The following DAB1 variants were observed in gnomAD, a reference collection of about 807,000 sequenced individuals.
DAB1 encodes DAB adaptor protein 1.
DAB1 carries 15 observed loss-of-function variants against 64.6 expected under a neutral mutation model. That is an observed-to-expected ratio of 0.23 (90% CI 0.16 to 0.36). The LOEUF (loss-of-function observed/expected upper bound fraction) is 0.36, where lower values mean the gene tolerates loss of function less well. Ranked by LOEUF, DAB1 falls within the 10% of genes least tolerant of loss-of-function variation. DAB1 has a pLI of 1.00. For missense variants in DAB1, 596 were observed against 706.7 expected (o/e 0.84, Z 1.78); for synonymous variants, 235 against 251.9 (o/e 0.93, Z 0.64).
At chr1:58,116,286 A>G (rs1652330434) in intron 5 of DAB1, among the ~76,000 whole-genome samples, 1 of 152,220 alleles carries the variant, frequency 6.6e-6, no homozygotes, top group Non-Finnish European at 1.5e-5. Context: ...GCATCTTTGA[A>G]CAATTAAACC....
intron 5 of DAB1, among the ~76,000 whole-genome samples, chr1:58,046,393 CT>C (rs1647258061): frequency 1.3e-5 from 2 of 152,282 alleles, no homozygotes; most frequent in South Asian, 4.1e-4. Flanking sequence ...TGGGTGACAT[CT>C]TGTCCCTCCC....
chr1:57,584,461 T>C (rs1645353854), intron 7 of DAB1, among the ~76,000 whole-genome samples: 2 of 152,208 alleles, frequency 1.3e-5, no homozygotes, highest in Non-Finnish European at 2.9e-5. Context: ...CTTGGAATAG[T>C]GTGCTCCTTC....
chr1:58,070,623 G>A (rs1349989154), intron 5 of DAB1, among the ~76,000 whole-genome samples: 1 of 152,208 alleles, frequency 6.6e-6, no homozygotes, highest in Non-Finnish European at 1.5e-5. Context: ...AAAGACTGGA[G>A]GCAAAGGAGG....
intron 3 of DAB1, among the ~76,000 whole-genome samples, chr1:58,356,751 T>C (rs933614395): frequency 1.2e-4 from 19 of 152,116 alleles, no homozygotes; most frequent in African/African-American, 4.3e-4. Flanking sequence ...CTGGGTGCTG[T>C]GGCTCATGTC....
chr1:57,828,187 C>T (rs1317331482), intron 1 of DAB1, among the ~76,000 whole-genome samples: 7 of 152,086 alleles, frequency 4.6e-5, no homozygotes, highest in African/African-American at 9.7e-5. Flanking sequence ...CCTTGTGATC[C>T]GCCCGCCTCC....
In DAB1 at chr1:57,272,728, T is replaced by C. The variant is rs187439207; in HGVS notation, c.67+18236A>G. 3.3e-5 allele frequency among the ~76,000 whole-genome samples: 5 copies of C among 152,264 alleles called. No homozygotes were observed. The East Asian group carries it at 9.7e-4, about 29-fold the overall frequency. On this transcript the variant is annotated intron_variant, in intron 2 of 14. Transcript: ENST00000371236. ...GAAGAATACCTACCTCACTGGTTGT[T>C]GTGTTAAGAGAGTGAGTTTAAATAA...
At chr1:57,087,482 G>T (rs1369575889) in intron 4 of DAB1, among the ~76,000 whole-genome samples, 1 of 152,206 alleles carries the variant, frequency 6.6e-6, no homozygotes, top group East Asian at 1.9e-4. Flanking sequence ...GCAGAAGGAG[G>T]CAGCTCCAGA....
chr1:57,118,503 A>T (rs1656345454), intron 4 of DAB1, among the ~76,000 whole-genome samples: 1 of 152,216 alleles, frequency 6.6e-6, no homozygotes, highest in Non-Finnish European at 1.5e-5. Context: ...ATGTATACGT[A>T]GCTCCTGCCT....
At chr1:57,376,838 A>C (rs1680935727) in intron 1 of DAB1, among the ~76,000 whole-genome samples, 1 of 152,272 alleles carries the variant, frequency 6.6e-6, no homozygotes, top group Admixed American at 6.5e-5. Context: ...GAAAAGATAC[A>C]GCATTATCTT....
chr1:57,506,611 G>T (rs759110423), intron 7 of DAB1, among the ~76,000 whole-genome samples: 3 of 152,182 alleles, frequency 2.0e-5, no homozygotes, highest in Non-Finnish European at 4.4e-5. Flanking sequence ...TGATCACAAG[G>T]GAAGGGAACT....
intron 1 of DAB1, among the ~76,000 whole-genome samples, chr1:57,389,284 A>T (rs17458751): frequency 0.43 from 65,441 of 152,010 alleles, 14,846 homozygotes; most frequent in African/African-American, 0.54. Flanking sequence ...GATCAATTAG[A>T]TTCCCAGCTG....
intron 1 of DAB1, among the ~76,000 whole-genome samples, chr1:57,295,769 C>T (rs547146003): frequency 5.3e-5 from 8 of 152,038 alleles, no homozygotes; most frequent in Non-Finnish European, 1.2e-4. Context: ...GGGTGATACT[C>T]CTCAGAATAC....
chr1:57,637,118 G>C (rs555364830), intron 7 of DAB1, among the ~76,000 whole-genome samples: 85 of 152,112 alleles, frequency 5.6e-4, no homozygotes, highest in African/African-American at 1.8e-3. Flanking sequence ...ATTTAAAAAT[G>C]GGATAAGATG....
At chr1:58,238,905 G>A (rs551520188) in intron 4 of DAB1, among the ~76,000 whole-genome samples, 2 of 152,180 alleles carry the variant, frequency 1.3e-5, no homozygotes, top group African/African-American at 2.4e-5. Context: ...ACTTACATGA[G>A]GCTTAGAAGG....
intron 14 of DAB1, among the ~76,000 whole-genome samples, chr1:57,008,417 T>C (rs1354666223): frequency 6.6e-6 from 1 of 152,058 alleles, no homozygotes; most frequent in Non-Finnish European, 1.5e-5. Context: ...TATGTGATGA[T>C]GATAATGATG....
rs116453698 is a variant in DAB1, at chr1:58,318,342, A to T, written n.309+25010T>A. Among the ~76,000 whole-genome samples, 584 of 152,200 alleles carry T rather than the reference A, an allele frequency of 3.8e-3. 9 individuals carry two copies. The highest frequency in any genetic ancestry group is 0.013 in the African/African-American group (551 of 41,516). On this transcript the variant is annotated intron_variant and non_coding_transcript_variant, in intron 4 of 20. Transcript: ENST00000485760. Reference sequence around the variant, plus strand: ...TGCATCCTGAGTGGACAGCCCACAGATGTTTAGTGTCCAATGACTATGATG... The same window carrying T: ...TGCATCCTGAGTGGACAGCCCACAGTTGTTTAGTGTCCAATGACTATGATG...
chr1:57,367,122 T>TAAAATAAAATAAAATAAAATAA (rs1570382070), intron 1 of DAB1, among the ~76,000 whole-genome samples: 1 of 123,228 alleles, frequency 8.1e-6, no homozygotes, highest in Non-Finnish European at 1.9e-5. Flanking sequence ...ATAAAATAAA[T>TAAAATAAAATAAAATAAAATAA]AAATTAGCCA....
chr1:57,329,194 A>G (rs1676434645), intron 1 of DAB1, among the ~76,000 whole-genome samples: 1 of 152,184 alleles, frequency 6.6e-6, no homozygotes, highest in African/African-American at 2.4e-5. Flanking sequence ...TTGGCTTAGC[A>G]GGCCAATTAA....
At chr1:57,384,507 G>A (rs921641336) in intron 1 of DAB1, among the ~76,000 whole-genome samples, 5 of 152,156 alleles carry the variant, frequency 3.3e-5, no homozygotes, top group African/African-American at 1.2e-4. Flanking sequence ...AAAGGCAGAA[G>A]CAACCCCAAT....
Sources: gnomAD v4.1 joint callset for allele counts (sites outside exome capture counted in the v4.1 genomes callset) on GRCh38, gnomAD v4.1.1 for gene constraint, MANE v1.5 for transcripts, NCBI Gene and HGNC (gene_info 2026-07-23, HGNC 2026-07-21) for gene names.